The following PDE10A variants were observed in gnomAD, a reference collection of about 807,000 sequenced individuals.
PDE10A encodes the protein phosphodiesterase 10A.
PDE10A carries 39 observed loss-of-function variants against 97.7 expected under a neutral mutation model. That is an observed-to-expected ratio of 0.40 (90% confidence interval 0.31 to 0.52). The LOEUF is 0.52. Among genes scored for constraint, PDE10A ranks in the 20% least tolerant of loss-of-function variants. The pLI is 0.56. For synonymous variants in PDE10A, 371 were observed against 376.8 expected, an observed-to-expected ratio of 0.98 and a Z score of 0.18; for missense variants, 731 against 1,047.8, an observed-to-expected ratio of 0.70 and a Z score of 4.17.
In PDE10A at chr6:165,392,792, C is replaced by T; in HGVS notation, c.2308G>A (p.Glu770Lys). The change falls in exon 16 of 22, where the codon GAG (glutamate) becomes AAG (lysine). Residue 770 changes from glutamate (E) to lysine (K), a missense_variant. Coordinates refer to ENST00000539869, the MANE Select transcript of PDE10A (RefSeq NM_001385079.1). ...VHRSCGTSCF[E>K]LEKLCRFIMS... ...ATAAAACGACACAACTTTTCAAGCT[C>T]AAAGCTGCATGGAAAAGAAATTGTT... The T allele has an allele frequency of 6.2e-7, 1 of 1,613,870 alleles. No homozygotes were observed. Among genetic ancestry groups the T allele is most frequent in the Non-Finnish European group, 8.5e-7 (1 of 1,179,844 alleles).
At chr6:165,861,393 G>T (rs1437724830) in intron 1 of PDE10A, among the ~76,000 whole-genome samples, 1 of 150,316 alleles carries the variant, frequency 6.7e-6, no homozygotes, top group Admixed American at 6.6e-5. Context: ...GTCCTCTCGG[G>T]GGGGCGCTAT....
intron 5 of PDE10A, among the ~76,000 whole-genome samples, chr6:165,437,224 A>G (rs916628123): frequency 1.4e-5 from 2 of 148,104 alleles, no homozygotes; most frequent in African/African-American, 4.9e-5. Flanking sequence ...TTGAAAATGT[A>G]AAACGCACAT....
chr6:165,352,078 T>C (rs1475672424), intron 18 of PDE10A, among the ~76,000 whole-genome samples: 1 of 152,184 alleles, frequency 6.6e-6, no homozygotes, highest in Non-Finnish European at 1.5e-5. Flanking sequence ...GGTCTCGAAC[T>C]CCTGACCTCA....
chr6:165,894,127 A>C (rs1334801975), intron 1 of PDE10A: 3 of 358,728 alleles, frequency 8.4e-6, no homozygotes, highest in Non-Finnish European at 1.7e-5. Flanking sequence ...CTAAGAATAA[A>C]ATATGGCTTG....
intron 1 of PDE10A, among the ~76,000 whole-genome samples, chr6:165,589,322 T>A (rs1786108402): frequency 6.6e-6 from 1 of 152,218 alleles, no homozygotes; most frequent in African/African-American, 2.4e-5. Flanking sequence ...ATGGATGGCC[T>A]CCACATGCTT....
intron 1 of PDE10A, among the ~76,000 whole-genome samples, chr6:165,758,313 T>C (rs1202567789): frequency 6.6e-6 from 1 of 151,888 alleles, no homozygotes; most frequent in Admixed American, 6.6e-5. Context: ...ATAAAAAAAT[T>C]AGCCAGGCGT....
chr6:165,346,046 G>A (rs747164770), intron 18 of PDE10A, among the ~76,000 whole-genome samples: 9 of 152,192 alleles, frequency 5.9e-5, no homozygotes, highest in African/African-American at 1.7e-4. Flanking sequence ...AACATGGAAC[G>A]TAGTTAAGTT....
At chr6:165,864,684 T>C (rs1297445599) in intron 1 of PDE10A, among the ~76,000 whole-genome samples, 3 of 152,234 alleles carry the variant, frequency 2.0e-5, no homozygotes, top group Admixed American at 2.0e-4. Flanking sequence ...GATTAAGACA[T>C]GGACAGATAT....
chr6:165,397,041 G>A (rs529723669), intron 13 of PDE10A, among the ~76,000 whole-genome samples: 4 of 152,256 alleles, frequency 2.6e-5, no homozygotes, highest in South Asian at 2.1e-4. Flanking sequence ...GTTTGCATTC[G>A]TCAGTCATAG....
intron 1 of PDE10A, among the ~76,000 whole-genome samples, chr6:165,961,317 C>A (rs1583355008): frequency 6.6e-6 from 1 of 152,210 alleles, no homozygotes; most frequent in African/African-American, 2.4e-5. Flanking sequence ...CAACTTCAAG[C>A]AAGTCGTTAA....
chr6:165,696,778 A>G (rs1161594470), intron 1 of PDE10A, among the ~76,000 whole-genome samples: 2 of 152,260 alleles, frequency 1.3e-5, no homozygotes, highest in Non-Finnish European at 2.9e-5. Context: ...CAACTAAACG[A>G]AACCATGATT....
chr6:165,652,344 C>T (rs368713696), intron 1 of PDE10A, among the ~76,000 whole-genome samples: 44 of 151,712 alleles, frequency 2.9e-4, no homozygotes, highest in African/African-American at 8.7e-4. Context: ...GCAGCCTCAA[C>T]CTCCCGGGCT....
At chr6:165,467,940 C>A (rs2128267305) in intron 3 of PDE10A, among the ~76,000 whole-genome samples, 1 of 152,290 alleles carries the variant, frequency 6.6e-6, no homozygotes, top group Admixed American at 6.5e-5. Context: ...CACAGCCACC[C>A]CAACCTTCAG....
At chr6:165,471,555 C>T (rs1167685526) in intron 3 of PDE10A, among the ~76,000 whole-genome samples, 5 of 152,082 alleles carry the variant, frequency 3.3e-5, no homozygotes, top group Admixed American at 3.3e-4. Flanking sequence ...TAGGAACCAC[C>T]CCCTGAACAC....
chr6:165,539,340 G>T (rs1783283240), intron 2 of PDE10A, among the ~76,000 whole-genome samples: 1 of 152,142 alleles, frequency 6.6e-6, no homozygotes, highest in Non-Finnish European at 1.5e-5. Flanking sequence ...GATCTTTGAG[G>T]AGTTGTCATG....
chr6:165,748,808 TTGTGTGTGTG>T (rs71029562), intron 1 of PDE10A, among the ~76,000 whole-genome samples: 1 of 147,598 alleles, frequency 6.8e-6, no homozygotes, highest in Non-Finnish European at 1.5e-5. Context: ...AGAAAGAAGT[TTGTGTGTGTG>T]TGTGTGTGTG....
chr6:165,812,433 GAA>G (rs34436194), intron 1 of PDE10A, among the ~76,000 whole-genome samples: 1 of 150,110 alleles, frequency 6.7e-6, no homozygotes, highest in African/African-American at 2.4e-5. Context: ...CTTGGAGGCA[GAA>G]AAAAAAAAGT....
At chr6:165,958,705 AAAG>A (rs1562327672) in intron 1 of PDE10A, among the ~76,000 whole-genome samples, 1 of 141,028 alleles carries the variant, frequency 7.1e-6, no homozygotes, top group Non-Finnish European at 1.5e-5. Flanking sequence ...AGAAAGAAAG[AAAG>A]AAAGAGAGAA....
intron 3 of PDE10A, among the ~76,000 whole-genome samples, chr6:165,465,958 AAG>A (rs66742855): frequency 0.21 from 31,791 of 152,078 alleles, 3,711 homozygotes; most frequent in Middle Eastern, 0.3. Context: ...GAAGTACTAA[AAG>A]AGAGGGTAGC....
Sources: allele counts gnomAD v4.1 joint callset (sites outside exome capture counted in the v4.1 genomes callset), GRCh38; gene constraint gnomAD v4.1.1; transcripts MANE v1.5; gene names NCBI Gene and HGNC (gene_info 2026-07-23, HGNC 2026-07-21).